Variants in PHF3 observed in about 807,000 individuals in gnomAD.
PHF3 encodes the protein PHD finger protein 3.
A neutral mutation model predicts 178.4 loss-of-function variants in PHF3; 41 were observed. The ratio of observed to expected loss-of-function variants is 0.23; its 90% confidence interval spans 0.18 to 0.30. PHF3 has a LOEUF of 0.30. PHF3 is among the 10% of genes least tolerant of loss of function. The pLI is 1.00. For missense variants in PHF3, 2,346 were observed against 2,398.1 expected (o/e 0.98, Z 0.45); for synonymous variants, 842 against 800.5 (o/e 1.05, Z -0.88).
chr6:63,657,369 A>C (rs540185644), intron 2 of PHF3, among the ~76,000 whole-genome samples: 6 of 152,292 alleles, frequency 3.9e-5, no homozygotes, highest in African/African-American at 1.4e-4. Flanking sequence ...TATAACTTTT[A>C]TCTTCCCCCA....
At chr6:63,708,821 A>T (rs1767801998) in intron 13 of PHF3, among the ~76,000 whole-genome samples, 1 of 152,208 alleles carries the variant, frequency 6.6e-6, no homozygotes, top group South Asian at 2.1e-4. Flanking sequence ...CTCTGCTAAT[A>T]TTCTGAAATG....
Position 63,703,647 on chromosome 6 carries a change from G to T in PHF3, c.3343G>T (p.Asp1115Tyr). The change falls in exon 11 of 16, where the codon GAT becomes TAT. Residue 1115 changes from aspartate to tyrosine, a missense_variant. This residue lies in a region of PHF3 where 205 missense variants were observed against 212.4 expected (regional missense o/e 0.97). Transcript: ENST00000262043. ...TTSQHRQHLF[D>Y]LNCKICIGRM... is the part of the protein sequence containing the mutation. ...TAGTCAACACAGACAGCATCTTTTTGATCTCAACTGCAAAATCTGCATAGG... is the reference window on the plus strand; with the variant it reads ...TAGTCAACACAGACAGCATCTTTTTTATCTCAACTGCAAAATCTGCATAGG... The T allele has an allele frequency of 6.2e-7, 1 of 1,602,226 alleles. No homozygotes were observed. The highest frequency in any genetic ancestry group is 8.5e-7 in the Non-Finnish European group (1 of 1,176,934).
intron 13 of PHF3, among the ~76,000 whole-genome samples, chr6:63,707,089 C>G (rs1767726730): frequency 6.6e-6 from 1 of 152,214 alleles, no homozygotes; most frequent in African/African-American, 2.4e-5. Context: ...ATGTCCTGCA[C>G]TTTTCCCAAG....
rs199624715 is a variant in PHF3, at chr6:63,713,197, G to T, written c.5609G>T (p.Gly1870Val). The T allele has an allele frequency of 1.5e-4, 237 of 1,614,044 alleles. No homozygotes were observed. Among genetic ancestry groups the T allele is most frequent in the Admixed American group, 6.5e-4 (39 of 60,006 alleles). Reference sequence around the variant, plus strand: ...CCAGGTCAGCCACAGCGTATGATGGGTCCTCTCTCACAAGCATCAAGGTAT... The same window carrying T: ...CCAGGTCAGCCACAGCGTATGATGGTTCCTCTCTCACAAGCATCAAGGTAT... ...HLPGQPQRMM[G>V]PLSQASRYIG... Residue 1870 changes from glycine (G) to valine (V), a missense_variant, in exon 16 of 16, where the codon GGT (glycine) becomes GTT (valine). By Grantham distance (109) the Gly-to-Val change is moderately radical. Transcript: ENST00000262043.
chr6:63,691,733 C>G lies in PHF3; in HGVS notation c.2190-4C>G, dbSNP rs373270910. 10 of 1,560,290 alleles carry G rather than the reference C, an allele frequency of 6.4e-6. No individual in the cohort carries two copies. The highest frequency in any genetic ancestry group is 6.9e-6 in the Non-Finnish European group (8 of 1,151,554). The stretch of plus-strand genomic sequence containing the variant: ...TAAAAGTTTTTTGGTGTTCTGTTTT[C>G]CAGGTTTATGGTTGGCTGTGGGAGA... On this transcript the variant is annotated splice_region_variant and splice_polypyrimidine_tract_variant and intron_variant, in intron 4 of 15. Coordinates refer to ENST00000262043, the MANE Select transcript of PHF3 (RefSeq NM_001370348.2).
At chr6:63,653,545 A>G (rs890424195) in intron 2 of PHF3, among the ~76,000 whole-genome samples, 1 of 152,112 alleles carries the variant, frequency 6.6e-6, no homozygotes, top group Non-Finnish European at 1.5e-5. Context: ...TTTGTATCCT[A>G]CAAGTTTAAT....
chr6:63,694,981 C>G (rs1767173679), intron 6 of PHF3, among the ~76,000 whole-genome samples: 1 of 152,124 alleles, frequency 6.6e-6, no homozygotes, highest in Non-Finnish European at 1.5e-5. Flanking sequence ...GATAAGACCC[C>G]TCTTCTCATG....
At chr6:63,690,225 C>G (rs1347975599) in intron 4 of PHF3, among the ~76,000 whole-genome samples, 1 of 152,098 alleles carries the variant, frequency 6.6e-6, no homozygotes. Context: ...TTGTCAACCC[C>G]AAATATTCTA....
At chr6:63,645,917 G>GT (rs1317498081) in intron 1 of PHF3, among the ~76,000 whole-genome samples, 1 of 152,092 alleles carries the variant, frequency 6.6e-6, no homozygotes, top group Non-Finnish European at 1.5e-5. Flanking sequence ...CTTTGTGTGT[G>GT]TGTGTAGTCT....
At chr6:63,679,442 T>A (rs1307098819) in intron 2 of PHF3, among the ~76,000 whole-genome samples, 11 of 151,632 alleles carry the variant, frequency 7.3e-5, no homozygotes, top group Non-Finnish European at 1.6e-4. Context: ...GAAGTTACAT[T>A]ATGTTTTTCA....
chr6:63,707,292 C>T (rs1045887591), intron 13 of PHF3, among the ~76,000 whole-genome samples: 1 of 152,338 alleles, frequency 6.6e-6, no homozygotes, highest in Non-Finnish European at 1.5e-5. Flanking sequence ...TTCATGACTA[C>T]TGTTCTTACC....
chr6:63,688,356 AG>A (rs1207265689), intron 4 of PHF3, among the ~76,000 whole-genome samples: 1 of 1,386 alleles, frequency 7.2e-4, no homozygotes, highest in Non-Finnish European at 1.1e-3. Flanking sequence ...CTTGTTTTTA[AG>A]ACAAAGTCTC....
Position 63,713,267 on chromosome 6 carries a change from A to T in PHF3, c.5679A>T (p.Pro1893=). Residue 1893 remains proline, a synonymous_variant, in exon 16 of 16, where the codon CCA becomes CCT. Coordinates refer to ENST00000262043, the MANE Select transcript of PHF3 (RefSeq NM_001370348.2). ...NFYQVKDIRR[P]ERRHSDPWGR... is the part of the protein sequence containing the mutation. ...ACCAGGTTAAAGACATTCGGAGGCC[A>T]GAAAGGCGCCATAGTGACCCTTGGG... is the stretch of plus-strand genomic sequence containing the variant. The T allele has an allele frequency of 6.2e-7, 1 of 1,614,102 alleles. No homozygotes were observed. Among genetic ancestry groups the T allele is most frequent in the Non-Finnish European group, 8.5e-7 (1 of 1,179,994 alleles).
rs1248767228 is a variant in PHF3 at position 63,717,438 on chromosome 6, G to A, written c.*3730G>A. On this transcript the variant is annotated 3_prime_UTR_variant, in exon 16 of 16. Coordinates refer to ENST00000262043, the MANE Select transcript of PHF3 (RefSeq NM_001370348.2). ...TATATACACAATCAGGTTTATTTCT[G>A]TCTCTTAAAGCAAATTGCAAATAAA... Among the ~76,000 whole-genome samples, 1 of 151,974 alleles carries A rather than the reference G, an allele frequency of 6.6e-6. No individual in the cohort carries two copies. The highest frequency in any genetic ancestry group is 2.4e-5 in the African/African-American group (1 of 41,418).
In PHF3 at chr6:63,716,774, GTCT is replaced by G. The variant is rs139255631; in HGVS notation, c.*3068_*3070del. 0.025 allele frequency among the ~76,000 whole-genome samples: 3,799 copies of G among 152,004 alleles called. 49 individuals carry two copies. The highest frequency in any genetic ancestry group is 0.036 in the South Asian group (171 of 4,810). On this transcript the variant is annotated 3_prime_UTR_variant, in exon 16 of 16. Coordinates refer to ENST00000262043, the MANE Select transcript of PHF3 (RefSeq NM_001370348.2). ...TTTGAAGCCAGCAGTGTGGGACCCA[GTCT>G]TTCTCTAGTATCTCTGACCTTCCCT... is the stretch of plus-strand genomic sequence containing the variant.
Position 63,685,622 on chromosome 6 carries a change from G to A in PHF3, c.1900G>A (p.Ala634Thr). 1 of 1,614,016 alleles carries A rather than the reference G, an allele frequency of 6.2e-7. No individual in the cohort carries two copies. Among genetic ancestry groups the A allele is most frequent in the Non-Finnish European group, 8.5e-7 (1 of 1,180,018 alleles). Reference sequence around the variant, plus strand: ...ACAGTGTCATAAGCCTCAGCAACAGGCCCCAGCAATGAAAACCAATAGTCA... The same window carrying A: ...ACAGTGTCATAAGCCTCAGCAACAGACCCCAGCAATGAAAACCAATAGTCA... Reference protein sequence around the residue: ...QKQCHKPQQQAPAMKTNSHVK... With the variant: ...QKQCHKPQQQTPAMKTNSHVK... The change falls in exon 4 of 16, where the codon GCC becomes ACC. Residue 634 changes from alanine to threonine, a missense_variant. Ala to Thr is a moderately conservative substitution (Grantham distance 58). Transcript: ENST00000262043.
Position 63,712,484 on chromosome 6 carries a change from T to C in PHF3, c.4896T>C (p.Ser1632=). The part of the protein sequence containing the change: ...KGNIDGNVSC[S]ENLVANTARS... ...ACATAGATGGTAATGTGAGCTGTAGTGAAAACCTTGTTGCTAATACAGCGA... is the reference window on the plus strand; with the variant it reads ...ACATAGATGGTAATGTGAGCTGTAGCGAAAACCTTGTTGCTAATACAGCGA... The change falls in exon 16 of 16, where the codon AGT becomes AGC. Residue 1632 remains serine (S), a synonymous_variant. Transcript: ENST00000262043. The C allele has an allele frequency of 6.2e-7, 1 of 1,613,948 alleles. No homozygotes were observed. The highest frequency in any genetic ancestry group is 8.5e-7 in the Non-Finnish European group (1 of 1,179,914).
chr6:63,685,473 C>T lies in PHF3; in HGVS notation c.1751C>T (p.Thr584Ile). ...CTGAAAAAAACATTACAGGATCAAA[C>T]TTTAGTACAAATTTTCAAGCCCTTA... is the stretch of plus-strand genomic sequence containing the variant. ...SVLKKTLQDQ[T>I]LVQIFKPLTH... Residue 584 changes from threonine (T) to isoleucine (I), a missense_variant, in exon 4 of 16, where the codon ACT becomes ATT. By Grantham distance (89) the Thr-to-Ile change is moderately conservative. Coordinates refer to ENST00000262043, the MANE Select transcript of PHF3 (RefSeq NM_001370348.2). 1 of 1,614,042 alleles carries T rather than the reference C, an allele frequency of 6.2e-7. No individual in the cohort carries two copies. Among genetic ancestry groups the T allele is most frequent in the African/African-American group, 1.3e-5 (1 of 74,992 alleles).
chr6:63,697,012 A>T (rs533680531), intron 6 of PHF3, among the ~76,000 whole-genome samples: 1 of 152,284 alleles, frequency 6.6e-6, no homozygotes, highest in African/African-American at 2.4e-5. Flanking sequence ...TTTAAAGAAG[A>T]TATCATAGCA....
Sources: gnomAD v4.1 joint callset for allele counts (sites outside exome capture counted in the v4.1 genomes callset) on GRCh38, gnomAD v4.1.1 for gene constraint, gnomAD v4.1.1 regional missense constraint, MANE v1.5 for transcripts, NCBI Gene and HGNC (gene_info 2026-07-23, HGNC 2026-07-21) for gene names.